The following SOX6 variants were observed in gnomAD, a reference collection of about 807,000 sequenced individuals.
SOX6 encodes the protein SRY-box transcription factor 6, also known as transcription factor SOX-6.
SOX6 carries 11 observed loss-of-function variants against 97.8 expected under a neutral mutation model. That is an observed-to-expected ratio of 0.11 (90% CI 0.07 to 0.19). SOX6 has a LOEUF of 0.19. Ranked by LOEUF, SOX6 falls within the 10% of genes least tolerant of loss-of-function variation. SOX6 has a pLI of 1.00. For synonymous variants in SOX6, 360 were observed against 371.4 expected (o/e 0.97, Z 0.35); for missense variants, 810 against 1,039.5 (o/e 0.78, Z 3.04).
intron 1 of SOX6, among the ~76,000 whole-genome samples, chr11:16,381,670 C>A (rs913366618): frequency 6.6e-6 from 1 of 151,788 alleles, no homozygotes. Flanking sequence ...TTCTTTTTCT[C>A]TCCAAAAGAG....
intron 3 of SOX6, among the ~76,000 whole-genome samples, chr11:16,262,873 C>G (rs976543641): frequency 1.3e-5 from 2 of 151,902 alleles, no homozygotes; most frequent in African/African-American, 4.8e-5. Context: ...TAGTTAGTGG[C>G]TGAGAAATAC....
intron 1 of SOX6, among the ~76,000 whole-genome samples, chr11:16,432,358 T>TA (rs1471305416): frequency 5.3e-5 from 8 of 152,284 alleles, no homozygotes; most frequent in Non-Finnish European, 8.8e-5. Context: ...GTCAAAAGTG[T>TA]AACTATCTCT....
At chr11:16,087,325 C>A (rs535508029) in intron 9 of SOX6, among the ~76,000 whole-genome samples, 19 of 152,020 alleles carry the variant, frequency 1.2e-4, no homozygotes, top group Non-Finnish European at 2.2e-4. Context: ...AATTTAGTCT[C>A]CTTTGTAATA....
At chr11:16,727,977 T>C (rs1325781790) in intron 2 of SOX6, among the ~76,000 whole-genome samples, 1 of 152,138 alleles carries the variant, frequency 6.6e-6, no homozygotes, top group Non-Finnish European at 1.5e-5. Flanking sequence ...ACAGAAGATA[T>C]ACATCTGGGT....
chr11:16,498,677 G>A (rs1222919377), intron 4 of SOX6, among the ~76,000 whole-genome samples: 1 of 152,088 alleles, frequency 6.6e-6, no homozygotes, highest in East Asian at 1.9e-4. Context: ...TGATAAAACA[G>A]ACTTTAAACC....
At chr11:16,342,606 C>A (rs1479793199) in intron 1 of SOX6, among the ~76,000 whole-genome samples, 1 of 151,832 alleles carries the variant, frequency 6.6e-6, no homozygotes, top group Non-Finnish European at 1.5e-5. Flanking sequence ...ATGAATATTG[C>A]AGTGAAGGAA....
At chr11:16,493,770 C>T in intron 4 of SOX6, among the ~76,000 whole-genome samples, 1 of 152,014 alleles carries the variant, frequency 6.6e-6, no homozygotes, top group East Asian at 1.9e-4. Context: ...CCTGTATGGT[C>T]CAGAGTATAC....
chr11:16,060,611 T>C (rs935466280), intron 9 of SOX6, among the ~76,000 whole-genome samples: 50 of 152,054 alleles, frequency 3.3e-4, no homozygotes, highest in African/African-American at 1.2e-3. Flanking sequence ...ATTTTAAGTT[T>C]GTCTTGGATA....
intron 4 of SOX6, among the ~76,000 whole-genome samples, chr11:16,500,545 T>C (rs1300869189): frequency 6.6e-6 from 1 of 152,188 alleles, no homozygotes; most frequent in African/African-American, 2.4e-5. Context: ...ATGACATGAT[T>C]GTATATCTAG....
chr11:16,016,926 C>T (rs1318406487), intron 12 of SOX6, among the ~76,000 whole-genome samples: 1 of 151,956 alleles, frequency 6.6e-6, no homozygotes, highest in Non-Finnish European at 1.5e-5. Context: ...ACAGACCGTG[C>T]TATCTATCAA....
intron 3 of SOX6, chr11:16,264,740 T>C (rs955047368): frequency 6.6e-6 from 1 of 151,684 alleles, no homozygotes; most frequent in Middle Eastern, 3.4e-3. Flanking sequence ...TTTCACATCT[T>C]TAATTTTCAA....
At chr11:16,663,587 A>G (rs2134020391) in intron 3 of SOX6, among the ~76,000 whole-genome samples, 1 of 152,326 alleles carries the variant, frequency 6.6e-6, no homozygotes, top group African/African-American at 2.4e-5. Flanking sequence ...CCCTGCTGGG[A>G]TTACAGGCAT....
intron 3 of SOX6, among the ~76,000 whole-genome samples, chr11:16,695,348 T>C (rs1015309894): frequency 6.6e-6 from 1 of 152,220 alleles, no homozygotes; most frequent in Non-Finnish European, 1.5e-5. Flanking sequence ...CATTAAATCT[T>C]AAGACCTAGT....
intron 3 of SOX6, among the ~76,000 whole-genome samples, chr11:16,274,125 G>A (rs927031969): frequency 2.6e-5 from 4 of 151,984 alleles, no homozygotes; most frequent in Admixed American, 2.6e-4. Context: ...TAGACATAAT[G>A]AGAAAGCCTC....
chr11:16,522,928 T>A (rs1317871213), intron 4 of SOX6, among the ~76,000 whole-genome samples: 1 of 152,140 alleles, frequency 6.6e-6, no homozygotes, highest in African/African-American at 2.4e-5. Flanking sequence ...CAAGAAGAGC[T>A]AACTATCCTA....
At chr11:16,582,236 C>A (rs1298117170) in intron 4 of SOX6, among the ~76,000 whole-genome samples, 1 of 152,156 alleles carries the variant, frequency 6.6e-6, no homozygotes, top group East Asian at 1.9e-4. Context: ...CAGGATTAAT[C>A]ATACCCCAAA....
At chr11:16,559,645 C>G (rs1332333336) in intron 4 of SOX6, among the ~76,000 whole-genome samples, 1 of 152,094 alleles carries the variant, frequency 6.6e-6, no homozygotes, top group Non-Finnish European at 1.5e-5. Context: ...GCAAGTGAGA[C>G]ACAGGTGTCT....
chr11:16,621,085 G>A (rs1590014872), intron 3 of SOX6, among the ~76,000 whole-genome samples: 2 of 152,096 alleles, frequency 1.3e-5, no homozygotes, highest in South Asian at 4.1e-4. Context: ...AAGATGAACA[G>A]TATTTGTAAA....
chr11:16,041,241 C>T (rs956118346), intron 12 of SOX6, among the ~76,000 whole-genome samples: 1 of 152,094 alleles, frequency 6.6e-6, no homozygotes, highest in African/African-American at 2.4e-5. Flanking sequence ...TCACAAGCCC[C>T]TTTCACTTAC....
Sources: gnomAD v4.1 joint callset for allele counts (sites outside exome capture counted in the v4.1 genomes callset) on GRCh38, gnomAD v4.1.1 for gene constraint, MANE v1.5 for transcripts, NCBI Gene and HGNC (gene_info 2026-07-23, HGNC 2026-07-21) for gene names.